PRPF8: variants seen among roughly 807,000 people sequenced by gnomAD.
PRPF8 encodes the protein pre-mRNA processing factor 8.
Under a neutral mutation model 285.9 loss-of-function variants are expected in PRPF8, and 64 were observed. The ratio of observed to expected loss-of-function variants is 0.22; its 90% CI spans 0.18 to 0.28. PRPF8 has a LOEUF of 0.28. Ranked by LOEUF, PRPF8 falls within the 10% of genes least tolerant of loss-of-function variation. PRPF8 has a pLI of 1.00. For synonymous variants in PRPF8, 1,325 were observed against 1,118.2 expected, an observed-to-expected ratio of 1.18 and a Z score of -3.69; for missense variants, 1,426 against 3,026.7, an observed-to-expected ratio of 0.47 and a Z score of 12.41.
rs1352006578 is a variant in PRPF8, at chr17:1,661,578, C to T, written c.4202+33G>A. Reference sequence around the variant, plus strand: ...GGTTCAAAGGCCACCACTGCCCCTGCCCCAGGGTTGGCATGCCCTCCTAGG... The same window carrying T: ...GGTTCAAAGGCCACCACTGCCCCTGTCCCAGGGTTGGCATGCCCTCCTAGG... On this transcript the variant is annotated intron_variant, in intron 26 of 42. Coordinates refer to ENST00000304992, the MANE Select transcript of PRPF8 (RefSeq NM_006445.4). The surrounding 1 kb of genome is among the most constrained non-coding windows in gnomAD (Gnocchi z 7.3). 6 of 1,612,104 alleles carry T rather than the reference C, an allele frequency of 3.7e-6. No individual in the cohort carries two copies. In the Admixed American group the frequency reaches 8.3e-5, roughly 22 times the overall value.
Position 1,651,873 on chromosome 17 carries a change from C to G in PRPF8, c.6370-85G>C, listed in dbSNP as rs1911092915. On this transcript the variant is annotated intron_variant, in intron 39 of 42. Transcript: ENST00000304992. This position sits in a 1 kb window ranked among gnomAD's most constrained non-coding sequence, Gnocchi z 5.1. ...GCCAGCCCTCTGTTTCCTTCCTTCC[C>G]CCAAGAACGAGGACAGAGTTTCTTA... 2 of 1,512,620 alleles carry G rather than the reference C, an allele frequency of 1.3e-6. No individual in the cohort carries two copies. Among genetic ancestry groups the G allele is most frequent in the South Asian group, 2.2e-5 (2 of 89,064 alleles). 93.7% of individuals were successfully genotyped at this position (1,512,620 alleles called of 1,614,324 possible).
chr17:1,656,353 G>A (rs9889459), intron 36 of PRPF8, 39 bp downstream of exon 36: 77,550 of 1,612,866 alleles, frequency 0.048, 9,362 homozygotes, highest in African/African-American at 0.47. Flanking sequence ...CCCTAAACCC[G>A]CTCCTCCTCC....
At position 1,661,730 on chromosome 17, in the gene PRPF8, T is replaced by G. The variant is rs773400326; in HGVS notation, c.4083A>C (p.Glu1361Asp). The change falls in exon 26 of 43, where the codon GAA becomes GAC. Residue 1361 changes from glutamate (E) to aspartate (D), a missense_variant. By Grantham distance (45) the Glu-to-Asp change is conservative. Transcript: ENST00000304992. The surrounding 1 kb of genome is among the most constrained non-coding windows in gnomAD (Gnocchi z 7.3). ...THFRSGMSHE[E>D]DQLIPNLYRY... ...GGTACAAGTTGGGAATGAGCTGGTC[T>G]TCTTCATGGCTCATTCCTGAACGAA... The G allele has an allele frequency of 5.0e-6, 8 of 1,614,252 alleles. No individual in the cohort carries two copies. The East Asian group carries it at 8.9e-5, about 18-fold the overall frequency.
Position 1,679,803 on chromosome 17 carries a change from A to G in PRPF8, c.1099-4T>C, listed in dbSNP as rs370231770. On this transcript the variant is annotated splice_polypyrimidine_tract_variant and splice_region_variant and intron_variant, in intron 8 of 42. Coordinates refer to ENST00000304992, the MANE Select transcript of PRPF8 (RefSeq NM_006445.4). This position sits in a 1 kb window ranked among gnomAD's most constrained non-coding sequence, Gnocchi z 4.7. ...CATCCGGCAATGGTTCCTGGCTCTG[A>G]AAAAGGAATCCCTCTAAGGGTTTAG... The G allele has an allele frequency of 6.2e-7, 1 of 1,614,052 alleles. No homozygotes were observed. The highest frequency in any genetic ancestry group is 1.3e-5 in the African/African-American group (1 of 74,944).
Position 1,683,619 on chromosome 17 carries a change from C to A in PRPF8, c.183G>T (p.Met61Ile), listed in dbSNP as rs1169068759. 1 of 1,614,194 alleles carries A rather than the reference C, an allele frequency of 6.2e-7. No homozygotes were observed. Among genetic ancestry groups the A allele is most frequent in the Non-Finnish European group, 8.5e-7 (1 of 1,180,024 alleles). ...TGATCTTCCTGACATGTTCTGGGGG[C>A]ATGTCTTCCTTCTGGGCATCCACAA... ...FGFVDAQKEDMPPEHVRKIIR... is the reference protein window; with the variant it reads ...FGFVDAQKEDIPPEHVRKIIR... The change falls in exon 3 of 43, where the codon ATG (methionine) becomes ATT (isoleucine). Residue 61 changes from methionine (M) to isoleucine (I), a missense_variant. By Grantham distance (10) the Met-to-Ile change is conservative (BLOSUM62 1). Around this residue, in one of 34 missense-constraint regions of PRPF8, gnomAD observed 72 missense variants for 80.0 expected, o/e 0.90. Transcript: ENST00000304992.
chr17:1,651,919 G>GT lies in PRPF8; in HGVS notation c.6370-132dup, dbSNP rs1264919635. On this transcript the variant is annotated intron_variant, in intron 39 of 42. Transcript: ENST00000304992. This position sits in a 1 kb window ranked among gnomAD's most constrained non-coding sequence, Gnocchi z 5.1. Reference sequence around the variant, plus strand: ...TCTTAAAACGTGATCAGAACCCCCTGTATCAGAATCAGCTGGGGTGCTTGT... The same window carrying GT: ...TCTTAAAACGTGATCAGAACCCCCTGTTATCAGAATCAGCTGGGGTGCTTGT... 15 of 1,194,060 alleles carry GT rather than the reference G, an allele frequency of 1.3e-5. No homozygotes were observed. The highest frequency in any genetic ancestry group is 1.7e-5 in the Non-Finnish European group (14 of 815,720). The allele number at this position is 1,194,060 out of a possible 1,614,324, so 74.0% of individuals were successfully genotyped here.
Position 1,659,865 on chromosome 17 carries a change from C to G in PRPF8, c.4922G>C (p.Arg1641Pro). The change falls in exon 31 of 43, where the codon CGG becomes CCG. Residue 1641 changes from arginine (R) to proline (P), a missense_variant. Arg to Pro is a moderately radical substitution (Grantham distance 103). Coordinates refer to ENST00000304992, the MANE Select transcript of PRPF8 (RefSeq NM_006445.4). The surrounding 1 kb of genome is among the most constrained non-coding windows in gnomAD (Gnocchi z 5.1). ...LFASYKWNVSRPSLLADSKDV... is the reference protein window; with the variant it reads ...LFASYKWNVSPPSLLADSKDV... ...CTTGGAGTCAGCCAGCAATGAGGGC[C>G]GGGAGACATTCCACTTATAGGAGGC... The G allele has an allele frequency of 6.2e-7, 1 of 1,614,102 alleles. No individual in the cohort carries two copies. The highest frequency in any genetic ancestry group is 8.5e-7 in the Non-Finnish European group (1 of 1,180,012).
rs371143117 is a variant in PRPF8 at position 1,679,026 on chromosome 17, G to A, written c.1590C>T (p.Leu530=). 1 of 1,614,116 alleles carries A rather than the reference G, an allele frequency of 6.2e-7. No homozygotes were observed. The highest frequency in any genetic ancestry group is 1.3e-5 in the African/African-American group (1 of 75,058). The change falls in exon 11 of 43, where the codon CTC becomes CTT. Residue 530 remains leucine (L), a synonymous_variant. Coordinates refer to ENST00000304992, the MANE Select transcript of PRPF8 (RefSeq NM_006445.4). The surrounding 1 kb of genome is among the most constrained non-coding windows in gnomAD (Gnocchi z 4.7). The stretch of plus-strand genomic sequence containing the variant: ...GGTCCAATGCAGGCACCTTGGTGGT[G>A]AGCGTTTTCACAGGCTTGAGGTTGA... ...YNFNLKPVKT[L]TTKERKKSRF...
chr17:1,666,934 G>A (rs2151120505), intron 24 of PRPF8, among the ~76,000 whole-genome samples: 1 of 152,276 alleles, frequency 6.6e-6, no homozygotes, highest in Non-Finnish European at 1.5e-5. Flanking sequence ...CAGCACTTTG[G>A]GAGGCCGAGG....
At position 1,681,052 on chromosome 17, in the gene PRPF8, T is replaced by A; in HGVS notation, c.869A>T (p.Asp290Val). ...ATCATTGAATTCATTCCAGTCTTCA[T>A]CCCTAGGGTACAACATCAAGAATAA... ...EPLVRDINLQ[D>V]EDWNEFNDIN... Residue 290 changes from aspartate to valine, a missense_variant and splice_region_variant, in exon 7 of 43, where the codon GAT becomes GTT. Transcript: ENST00000304992. The A allele has an allele frequency of 6.2e-7, 1 of 1,613,224 alleles. No individual in the cohort carries two copies. Among genetic ancestry groups the A allele is most frequent in the Non-Finnish European group, 8.5e-7 (1 of 1,179,456 alleles).
At chr17:1,668,571 C>T (rs896274795) in intron 24 of PRPF8, among the ~76,000 whole-genome samples, 1 of 151,852 alleles carries the variant, frequency 6.6e-6, no homozygotes, top group Non-Finnish European at 1.5e-5. Context: ...ACCGCGTTAG[C>T]CAGGATGGTC....
Position 1,684,468 on chromosome 17 carries a change from T to C in PRPF8, c.100+4A>G. 1.2e-6 allele frequency: 2 copies of C among 1,612,318 alleles called. No homozygotes were observed. Among genetic ancestry groups the C allele is most frequent in the Non-Finnish European group, 1.7e-6 (2 of 1,179,606 alleles). ...CCGCGCGCCGCTCCACACTCTCGCC[T>C]CACCTTTCTCCTGCAGCTTCTCCTC... On this transcript the variant is annotated splice_donor_region_variant and intron_variant, in intron 2 of 42. Coordinates refer to ENST00000304992, the MANE Select transcript of PRPF8 (RefSeq NM_006445.4).
intron 34 of PRPF8, among the ~76,000 whole-genome samples, chr17:1,657,519 A>AC (rs900305742): frequency 8.8e-5 from 13 of 147,858 alleles, no homozygotes; most frequent in African/African-American, 3.2e-4. Flanking sequence ...GGTGGCGGGC[A>AC]CCTGTAGTCC....
Position 1,675,566 on chromosome 17 carries a change from G to A in PRPF8, c.2872+54C>T, listed in dbSNP as rs554504024. 8.3e-5 allele frequency: 134 copies of A among 1,606,746 alleles called. No homozygotes were observed. Among genetic ancestry groups the A allele is most frequent in the Non-Finnish European group, 5.5e-5 (65 of 1,173,750 alleles). ...ATGCTACCCAGATGAGATTTTTGAC[G>A]TAGAACTAAATTCCTGCCCCGTTCC... On this transcript the variant is annotated intron_variant, in intron 19 of 42. Coordinates refer to ENST00000304992, the MANE Select transcript of PRPF8 (RefSeq NM_006445.4). This position sits in a 1 kb window ranked among gnomAD's most constrained non-coding sequence, Gnocchi z 6.0.
At chr17:1,660,345 C>G in intron 30 of PRPF8, 87 bp downstream of exon 30, 1 of 1,605,038 alleles carries the variant, frequency 6.2e-7, no homozygotes, top group African/African-American at 1.3e-5. Context: ...TCGATTCCAC[C>G]TGAGCTGACT....
In PRPF8 at chr17:1,671,782, C is replaced by T. The variant is rs147679201; in HGVS notation, c.3774+1299G>A. 5.0e-3 allele frequency among the ~76,000 whole-genome samples: 687 copies of T among 137,834 alleles called. 5 individuals carry two copies. The highest frequency in any genetic ancestry group is 0.017 in the African/African-American group (606 of 36,196). 90.4% of individuals were successfully genotyped at this position (137,834 alleles called of 152,430 possible). A position where few individuals can be genotyped will look rare whatever the true frequency, so the allele number is the denominator to read the frequency against. On this transcript the variant is annotated intron_variant, in intron 24 of 42. Transcript: ENST00000304992. ...AGGAGAATGGCGTGAACCTGGGAGG[C>T]GGAGCTTGCGGTGAGCCAAGACTGC... is the stretch of plus-strand genomic sequence containing the variant.
intron 14 of PRPF8, 183 bp downstream of exon 14, chr17:1,677,382 G>A: frequency 1.0e-6 from 1 of 990,998 alleles, no homozygotes; most frequent in Non-Finnish European, 1.5e-6. Context: ...ATGCATGACT[G>A]CCTCTCAAGG....
Position 1,662,158 on chromosome 17 carries a change from A to C in PRPF8, c.3775-5T>G, listed in dbSNP as rs1597233326. On this transcript the variant is annotated splice_region_variant and splice_polypyrimidine_tract_variant and intron_variant, in intron 24 of 42. Coordinates refer to ENST00000304992, the MANE Select transcript of PRPF8 (RefSeq NM_006445.4). Reference sequence around the variant, plus strand: ...TGTATTCCACTTATTCACAATCTAAAGGTAGTAGAAAAAAAAGTAAATTAC... The same window carrying C: ...TGTATTCCACTTATTCACAATCTAACGGTAGTAGAAAAAAAAGTAAATTAC... 1.2e-6 allele frequency: 2 copies of C among 1,614,180 alleles called. No homozygotes were observed. The highest frequency in any genetic ancestry group is 4.5e-5 in the East Asian group (2 of 44,888).
At position 1,676,501 on chromosome 17, in the gene PRPF8, C is replaced by A; in HGVS notation, c.2388+4G>T. The A allele has an allele frequency of 6.2e-7, 1 of 1,614,120 alleles. No individual in the cohort carries two copies. The highest frequency in any genetic ancestry group is 8.5e-7 in the Non-Finnish European group (1 of 1,180,010). On this transcript the variant is annotated splice_donor_region_variant and intron_variant, in intron 16 of 42. Transcript: ENST00000304992. This position sits in a 1 kb window ranked among gnomAD's most constrained non-coding sequence, Gnocchi z 6.3. The stretch of plus-strand genomic sequence containing the variant: ...CACACCCAGCCCAGCCTACTCTGCC[C>A]AACCTTCAGGTAGTTGTGCTGCCGC...
Sources: gnomAD v4.1 joint callset for allele counts (sites outside exome capture counted in the v4.1 genomes callset) on GRCh38, gnomAD v4.1.1 for gene constraint, gnomAD v4.1.1 regional missense constraint, Gnocchi (gnomAD v3.1) non-coding constraint, MANE v1.5 for transcripts, NCBI Gene and HGNC (gene_info 2026-07-23, HGNC 2026-07-21) for gene names.